The following CAST variants were observed in gnomAD, a reference collection of about 807,000 sequenced individuals.
The protein encoded by CAST is MIR583 host.
Under a neutral mutation model 119.6 loss-of-function variants are expected in CAST, and 76 were observed. The observed-to-expected ratio is 0.64, with a 90% CI of 0.53 to 0.77. The LOEUF is 0.77. CAST is among the 30% of genes least tolerant of loss of function. CAST has a pLI of 0.00. For synonymous variants in CAST, 319 were observed against 331.6 expected, an observed-to-expected ratio of 0.96 and a Z score of 0.41; for missense variants, 953 against 946.5, an observed-to-expected ratio of 1.01 and a Z score of -0.09.
At chr5:96,097,393 G>A in the CAST span, among the ~76,000 whole-genome samples, 8 of 150,988 alleles carry the variant, frequency 5.3e-5, no homozygotes, top group Admixed American at 1.3e-4. Flanking sequence ...TGTTATATAG[G>A]TAAACTTGTG....
chr5:96,611,042 A>G (rs960070981), intron 1 of CAST, among the ~76,000 whole-genome samples: 1 of 152,204 alleles, frequency 6.6e-6, no homozygotes, highest in African/African-American at 2.4e-5. Context: ...CAAACATGGG[A>G]AAACATTCCA....
intron 1 of CAST, among the ~76,000 whole-genome samples, chr5:96,589,045 C>A (rs548256596): frequency 6.6e-6 from 1 of 152,222 alleles, no homozygotes; most frequent in East Asian, 1.9e-4. Flanking sequence ...CAACGATTTT[C>A]TTTTTCAGCT....
chr5:96,063,233 A>G, the CAST span, among the ~76,000 whole-genome samples: 1 of 152,098 alleles, frequency 6.6e-6, no homozygotes, highest in Admixed American at 6.5e-5. Context: ...TCTCAGCTGA[A>G]TCTCTGCCTG....
chr5:96,018,337 G>C, the CAST span, among the ~76,000 whole-genome samples: 6 of 152,140 alleles, frequency 3.9e-5, no homozygotes, highest in African/African-American at 1.4e-4. Flanking sequence ...AAATTACTTG[G>C]TATGGAGGCC....
At chr5:96,742,846 T>C in intron 16 of CAST, 90 bp downstream of exon 16, 5 of 900,690 alleles carry the variant, frequency 5.6e-6, no homozygotes, top group Middle Eastern at 2.2e-4. Context: ...CTCGCACAAC[T>C]TTTATTGGAG....
At chr5:96,741,806 C>G (rs955621544) in intron 15 of CAST, 3 of 450,134 alleles carry the variant, frequency 6.7e-6, no homozygotes, top group Non-Finnish European at 1.2e-5. Context: ...TCTCAGTCAT[C>G]ATCTAAGACC....
At chr5:96,487,957 C>A in the CAST span, among the ~76,000 whole-genome samples, 1 of 152,174 alleles carries the variant, frequency 6.6e-6, no homozygotes, top group South Asian at 2.1e-4. Flanking sequence ...ATTCCACTAA[C>A]CGTTAATAAC....
At chr5:96,695,963 T>C in intron 3 of CAST, 56 bp downstream of exon 3, 1 of 1,224,490 alleles carries the variant, frequency 8.2e-7, no homozygotes. Context: ...GGGATATGAT[T>C]AGTGGGTGGG....
chr5:96,587,804 T>A (rs1166446330), intron 1 of CAST, among the ~76,000 whole-genome samples: 2 of 152,222 alleles, frequency 1.3e-5, no homozygotes, highest in Non-Finnish European at 2.9e-5. Context: ...TATTCTTTAT[T>A]TTTGTTCCAA....
intron 3 of CAST, chr5:96,702,796 C>G (rs1316533560): frequency 7.1e-6 from 7 of 985,396 alleles, no homozygotes; most frequent in Non-Finnish European, 8.4e-6. Flanking sequence ...CGCCCCGCCC[C>G]GTCGCACTCA....
the CAST span, among the ~76,000 whole-genome samples, chr5:96,421,245 G>A: frequency 6.6e-6 from 1 of 152,204 alleles, no homozygotes; most frequent in East Asian, 1.9e-4. Context: ...CCATAATGTG[G>A]CTTCAAGGGA....
the CAST span, among the ~76,000 whole-genome samples, chr5:96,325,036 C>T: frequency 6.6e-6 from 1 of 152,020 alleles, no homozygotes. Flanking sequence ...GAAACCTCGT[C>T]TCTACTAAAA....
the CAST span, among the ~76,000 whole-genome samples, chr5:96,422,324 G>C: frequency 1.3e-5 from 2 of 152,134 alleles, no homozygotes; most frequent in Non-Finnish European, 2.9e-5. Context: ...AGGCCATAAA[G>C]CTAGTTAGTG....
At chr5:96,078,017 A>G in the CAST span, among the ~76,000 whole-genome samples, 3 of 152,174 alleles carry the variant, frequency 2.0e-5, no homozygotes, top group Non-Finnish European at 4.4e-5. Flanking sequence ...AAACCATCTC[A>G]CTACATTTTA....
the CAST span, among the ~76,000 whole-genome samples, chr5:96,205,127 T>A: frequency 0.013 from 1,904 of 152,210 alleles, 26 homozygotes; most frequent in Non-Finnish European, 0.016. Context: ...TTTTAAGAGT[T>A]CTTTATACAT....
At chr5:96,028,848 A>G in the CAST span, among the ~76,000 whole-genome samples, 3 of 152,136 alleles carry the variant, frequency 2.0e-5, no homozygotes, top group Non-Finnish European at 4.4e-5. Flanking sequence ...ATTAAAAAAA[A>G]ACTTCAATTT....
At chr5:96,312,572 G>A in the CAST span, among the ~76,000 whole-genome samples, 3 of 151,632 alleles carry the variant, frequency 2.0e-5, no homozygotes, top group Non-Finnish European at 4.4e-5. Context: ...GACTGCCCTG[G>A]TGAATTAGTC....
At chr5:96,148,365 A>G in the CAST span, among the ~76,000 whole-genome samples, 3 of 152,222 alleles carry the variant, frequency 2.0e-5, no homozygotes, top group Non-Finnish European at 2.9e-5. Flanking sequence ...ACTGTCTGTC[A>G]TGATTATTAG....
At chr5:96,582,974 T>C (rs1436868466) in intron 1 of CAST, among the ~76,000 whole-genome samples, 2 of 152,186 alleles carry the variant, frequency 1.3e-5, no homozygotes, top group Non-Finnish European at 2.9e-5. Flanking sequence ...AAGCAAATTA[T>C]GCTAGAATTT....
Sources: gnomAD v4.1 joint callset for allele counts (sites outside exome capture counted in the v4.1 genomes callset) on GRCh38, gnomAD v4.1.1 for gene constraint, MANE v1.5 for transcripts, NCBI Gene and HGNC (gene_info 2026-07-23, HGNC 2026-07-21) for gene names.